Variants in TNN observed in about 807,000 individuals in gnomAD.
The protein encoded by TNN is tenascin-N.
Under a neutral mutation model 134.4 loss-of-function variants are expected in TNN, and 122 were observed. That is an observed-to-expected ratio of 0.91 (90% CI 0.78 to 1.06). The LOEUF is 1.06. TNN is among the 50% of genes least tolerant of loss of function. TNN has a pLI of 0.00. For synonymous variants in TNN, 710 were observed against 670.3 expected, an observed-to-expected ratio of 1.06 and a Z score of -0.91; for missense variants, 1,739 against 1,699.4, an observed-to-expected ratio of 1.02 and a Z score of -0.41.
intron 9 of TNN, among the ~76,000 whole-genome samples, chr1:175,115,934 G>T (rs1323207499): frequency 6.6e-6 from 1 of 152,186 alleles, no homozygotes; most frequent in East Asian, 1.9e-4. Flanking sequence ...CTGGGCAATG[G>T]GGTGGTGGGG....
At chr1:175,088,795 C>G (rs74422602) in intron 6 of TNN, among the ~76,000 whole-genome samples, 2 of 152,208 alleles carry the variant, frequency 1.3e-5, no homozygotes, top group East Asian at 3.9e-4. Context: ...ATTTCCAGAG[C>G]TGATAAGCCA....
At chr1:175,135,309 G>T (rs912549311) in intron 15 of TNN, among the ~76,000 whole-genome samples, 2 of 152,164 alleles carry the variant, frequency 1.3e-5, no homozygotes, top group African/African-American at 4.8e-5. Context: ...ACACTATCTT[G>T]CATATTGCCT....
At chr1:175,103,214 C>G (rs1674772804) in intron 9 of TNN, among the ~76,000 whole-genome samples, 1 of 146,586 alleles carries the variant, frequency 6.8e-6, no homozygotes, top group Non-Finnish European at 1.5e-5. Flanking sequence ...TGTTGCCTAA[C>G]TCCAGAAGTT....
rs775307784 is a variant in TNN, at chr1:175,094,080, A to G, written c.1415A>G (p.Lys472Arg). 3.1e-6 allele frequency: 5 copies of G among 1,614,090 alleles called. No homozygotes were observed. In the African/African-American group the frequency reaches 6.7e-5, roughly 22 times the overall value. Residue 472 changes from lysine (K) to arginine (R), a missense_variant, in exon 7 of 19, where the codon AAG (lysine) becomes AGG (arginine). Lys to Arg is a conservative substitution (Grantham distance 26). Coordinates refer to ENST00000239462, the MANE Select transcript of TNN (RefSeq NM_022093.2). ...GACCCAGTGCAGGCTGTCATAGACA[A>G]GTATGTAGTGCGCTACACTTCTGCT... is the stretch of plus-strand genomic sequence containing the variant. ...SWDPVQAVID[K>R]YVVRYTSADG...
At position 175,118,734 on chromosome 1, in the gene TNN, G is replaced by A. The variant is rs773015165; in HGVS notation, c.2560G>A (p.Gly854Ser). 1.3e-5 allele frequency: 21 copies of A among 1,614,166 alleles called. No individual in the cohort carries two copies. The highest frequency in any genetic ancestry group is 1.6e-4 in the Middle Eastern group (1 of 6,062). The change falls in exon 11 of 19, where the codon GGC becomes AGC. Residue 854 changes from glycine (G) to serine (S), a missense_variant. By Grantham distance (56) the Gly-to-Ser change is moderately conservative. Transcript: ENST00000239462. ...GKEQSSTVLT[G>S]LRPGMEYTVH... ...GGAGCAGAGCAGCACTGTCCTGACG[G>A]GCCTGAGGCCGGGCATGGAGTACAC...
chr1:175,114,518 C>G (rs1675113884), intron 9 of TNN, among the ~76,000 whole-genome samples: 1 of 152,208 alleles, frequency 6.6e-6, no homozygotes, highest in Non-Finnish European at 1.5e-5. Flanking sequence ...CACTGGGTTT[C>G]AAGTACAGGT....
intron 15 of TNN, among the ~76,000 whole-genome samples, chr1:175,131,751 C>T (rs1056688615): frequency 2.0e-4 from 31 of 152,056 alleles, no homozygotes; most frequent in African/African-American, 6.5e-4. Context: ...AAGATCGTGA[C>T]GGAGAGGCTG....
Position 175,068,392 on chromosome 1 carries a change from T to C in TNN, c.-36+457T>C, listed in dbSNP as rs1673843619. ...AAATCCTAAAACAGAATTGTTATTTTAGTTATGATTAGGAAGCTATGATAA... is the reference window on the plus strand; with the variant it reads ...AAATCCTAAAACAGAATTGTTATTTCAGTTATGATTAGGAAGCTATGATAA... On this transcript the variant is annotated intron_variant, in intron 1 of 18. Coordinates refer to ENST00000239462, the MANE Select transcript of TNN (RefSeq NM_022093.2). 2.6e-5 allele frequency among the ~76,000 whole-genome samples: 4 copies of C among 152,240 alleles called. 1 individual carries two copies. The highest frequency in any genetic ancestry group is 2.0e-4 in the Admixed American group (3 of 15,288).
At chr1:175,115,595 T>G (rs1044109528) in intron 9 of TNN, among the ~76,000 whole-genome samples, 2 of 152,092 alleles carry the variant, frequency 1.3e-5, no homozygotes, top group African/African-American at 4.8e-5. Flanking sequence ...AGCAGCAGTT[T>G]ACCCTTAGGG....
intron 12 of TNN, among the ~76,000 whole-genome samples, 161 bp from the exon 13 acceptor site, chr1:175,126,794 G>C (rs771986021): frequency 5.9e-5 from 9 of 152,182 alleles, no homozygotes; most frequent in Non-Finnish European, 1.0e-4. Context: ...ACAAAGGTCA[G>C]AAAGGCCCTG....
chr1:175,079,110 G>A (rs1674124644), intron 2 of TNN, among the ~76,000 whole-genome samples: 1 of 152,186 alleles, frequency 6.6e-6, no homozygotes. Context: ...GTTTGCAGAT[G>A]TCACAGATTA....
chr1:175,116,250 GAGGT>G (rs1412600584), intron 9 of TNN, among the ~76,000 whole-genome samples: 1 of 152,110 alleles, frequency 6.6e-6, no homozygotes, highest in Non-Finnish European at 1.5e-5. Context: ...TTGAGGCAGA[GAGGT>G]AGGTTTGCCC....
At position 175,135,242 on chromosome 1, in the gene TNN, T is replaced by G. The variant is rs554122924; in HGVS notation, c.3331-603T>G. ...AAAATTATTTAATTTAGTAATTTTATTTACTGAACTATTAGTTCCAGGAGG... is the reference window on the plus strand; with the variant it reads ...AAAATTATTTAATTTAGTAATTTTAGTTACTGAACTATTAGTTCCAGGAGG... On this transcript the variant is annotated intron_variant, in intron 15 of 18. Coordinates refer to ENST00000239462, the MANE Select transcript of TNN (RefSeq NM_022093.2). 3.3e-5 allele frequency among the ~76,000 whole-genome samples: 5 copies of G among 152,360 alleles called. No homozygotes were observed. In the East Asian group the frequency reaches 9.6e-4, roughly 29 times the overall value.
At chr1:175,093,283 G>T (rs1674494797) in intron 6 of TNN, among the ~76,000 whole-genome samples, 1 of 152,192 alleles carries the variant, frequency 6.6e-6, no homozygotes, top group Non-Finnish European at 1.5e-5. Flanking sequence ...AAAAATGAGA[G>T]ATTTTCTAAG....
Position 175,098,614 on chromosome 1 carries a change from T to G in TNN, c.2119+19T>G. On this transcript the variant is annotated intron_variant, in intron 9 of 18. Coordinates refer to ENST00000239462, the MANE Select transcript of TNN (RefSeq NM_022093.2). The stretch of plus-strand genomic sequence containing the variant: ...CAGACAGGTAAGGAGTGTGCATTAT[T>G]GCTGTGCCGATGCCATGCTCAGGGT... 6.2e-7 allele frequency: 1 copy of G among 1,613,804 alleles called. No individual in the cohort carries two copies. The highest frequency in any genetic ancestry group is 8.5e-7 in the Non-Finnish European group (1 of 1,179,860).
chr1:175,131,772 A>C (rs1675679178), intron 15 of TNN, among the ~76,000 whole-genome samples: 1 of 152,186 alleles, frequency 6.6e-6, no homozygotes, highest in African/African-American at 2.4e-5. Flanking sequence ...TTAACATCTT[A>C]ATCTAACAGT....
At chr1:175,075,586 G>A (rs1011277354) in intron 1 of TNN, among the ~76,000 whole-genome samples, 1 of 152,298 alleles carries the variant, frequency 6.6e-6, no homozygotes, top group Middle Eastern at 3.4e-3. Flanking sequence ...GTGAGCCACC[G>A]TGCCCGGCCA....
intron 15 of TNN, among the ~76,000 whole-genome samples, chr1:175,132,710 C>T (rs1478179097): frequency 1.3e-5 from 2 of 152,198 alleles, no homozygotes; most frequent in African/African-American, 4.8e-5. Flanking sequence ...AAGAGGCTGC[C>T]TCAGCAATCC....
At chr1:175,104,326 C>A (rs1050075143) in intron 9 of TNN, among the ~76,000 whole-genome samples, 1 of 145,454 alleles carries the variant, frequency 6.9e-6, no homozygotes, top group Non-Finnish European at 1.5e-5. Flanking sequence ...CTGGTGCTTG[C>A]CCCGGGCACC....
Sources: allele counts gnomAD v4.1 joint callset (sites outside exome capture counted in the v4.1 genomes callset), GRCh38; gene constraint gnomAD v4.1.1; transcripts MANE v1.5; gene names NCBI Gene and HGNC (gene_info 2026-07-23, HGNC 2026-07-21).